LRFN2: variants seen among roughly 807,000 people sequenced by gnomAD.
LRFN2 encodes leucine rich repeat and fibronectin type III domain containing 2.
Under a neutral mutation model 37.3 loss-of-function variants are expected in LRFN2, and 18 were observed. The observed-to-expected ratio is 0.48, with a 90% CI of 0.33 to 0.72. The LOEUF is 0.72. LRFN2 is among the 30% of genes least tolerant of loss of function. The probability of loss-of-function intolerance (pLI) is 0.02; values close to 1 mark genes in which losing one functional copy is unlikely to be tolerated. For missense variants in LRFN2, 1,006 were observed against 1,060.7 expected, an observed-to-expected ratio of 0.95 and a Z score of 0.72; for synonymous variants, 556 against 466.6, an observed-to-expected ratio of 1.19 and a Z score of -2.47.
intron 2 of LRFN2, among the ~76,000 whole-genome samples, chr6:40,395,836 C>A (rs537463938): frequency 1.1e-4 from 17 of 152,196 alleles, no homozygotes; most frequent in African/African-American, 3.9e-4. Context: ...CTCTGAATCA[C>A]GGCATTCCAC....
At chr6:40,423,063 G>T (rs1473429434) in intron 2 of LRFN2, among the ~76,000 whole-genome samples, 2 of 152,200 alleles carry the variant, frequency 1.3e-5, no homozygotes, top group East Asian at 3.9e-4. Context: ...GACAGTGAGA[G>T]AGGCAGGATG....
At chr6:40,556,724 C>T (rs1019658783) in intron 1 of LRFN2, among the ~76,000 whole-genome samples, 1 of 142,300 alleles carries the variant, frequency 7.0e-6, no homozygotes, top group Non-Finnish European at 1.5e-5. Flanking sequence ...TAGACACACA[C>T]ACACACACAC....
chr6:40,400,998 C>T (rs143766650), intron 2 of LRFN2, among the ~76,000 whole-genome samples: 1 of 149,478 alleles, frequency 6.7e-6, no homozygotes, highest in East Asian at 1.9e-4. Context: ...CCCCCTAACC[C>T]CACCTCCCCC....
rs886487623 is a variant in LRFN2 at position 40,499,043 on chromosome 6, C to T, written c.-18-65912G>A. On this transcript the variant is annotated intron_variant, in intron 1 of 2. Coordinates refer to ENST00000338305, the MANE Select transcript of LRFN2 (RefSeq NM_020737.3). ...ATACACACGATTTCAAACACAAATCCGAAGGCATTTTTATGATGCCCCAGG... is the reference window on the plus strand; with the variant it reads ...ATACACACGATTTCAAACACAAATCTGAAGGCATTTTTATGATGCCCCAGG... Among the ~76,000 whole-genome samples, 19 of 152,248 alleles carry T rather than the reference C, an allele frequency of 1.2e-4. No homozygotes were observed. The East Asian group carries it at 1.7e-3, about 14-fold the overall frequency.
At chr6:40,454,277 A>T (rs570967799) in intron 1 of LRFN2, among the ~76,000 whole-genome samples, 33 of 152,252 alleles carry the variant, frequency 2.2e-4, no homozygotes, top group Admixed American at 1.1e-3. Context: ...GGGAGGTGCA[A>T]ATTAGACAAA....
chr6:40,430,939 G>T (rs949697349), intron 2 of LRFN2, among the ~76,000 whole-genome samples: 2 of 152,154 alleles, frequency 1.3e-5, no homozygotes, highest in African/African-American at 2.4e-5. Context: ...CCAGGGGAAA[G>T]AGACTCCCTG....
chr6:40,539,717 G>A (rs1158733416), intron 1 of LRFN2, among the ~76,000 whole-genome samples: 1 of 152,124 alleles, frequency 6.6e-6, no homozygotes. Flanking sequence ...CAAGACAACT[G>A]GTTGGTTTAT....
chr6:40,495,431 C>G (rs1765202505), intron 1 of LRFN2, among the ~76,000 whole-genome samples: 1 of 152,216 alleles, frequency 6.6e-6, no homozygotes, highest in Admixed American at 6.5e-5. Context: ...TCAGTACCAT[C>G]TCTACTACCT....
chr6:40,494,150 T>A (rs1367584272), intron 1 of LRFN2, among the ~76,000 whole-genome samples: 1 of 152,114 alleles, frequency 6.6e-6, no homozygotes, highest in East Asian at 1.9e-4. Context: ...TAGTTATGGA[T>A]CTCAGGTCCA....
intron 1 of LRFN2, among the ~76,000 whole-genome samples, chr6:40,498,386 G>A (rs754594657): frequency 1.4e-4 from 21 of 152,230 alleles, no homozygotes; most frequent in East Asian, 3.9e-4. Flanking sequence ...GGCCATTGGC[G>A]GAGAGTCCAG....
chr6:40,489,751 A>G (rs1311280848), intron 1 of LRFN2, among the ~76,000 whole-genome samples: 1 of 152,088 alleles, frequency 6.6e-6, no homozygotes, highest in Non-Finnish European at 1.5e-5. Flanking sequence ...AGGGAAAAAT[A>G]ATGACAGAAA....
chr6:40,481,120 G>T (rs1457488889), intron 1 of LRFN2, among the ~76,000 whole-genome samples: 1 of 152,110 alleles, frequency 6.6e-6, no homozygotes, highest in African/African-American at 2.4e-5. Context: ...ATCTTCTGGG[G>T]GCTTTAGTTT....
chr6:40,492,123 C>T (rs1313810444), intron 1 of LRFN2, among the ~76,000 whole-genome samples: 5 of 152,162 alleles, frequency 3.3e-5, no homozygotes, highest in African/African-American at 1.2e-4. Flanking sequence ...AGGAAAGGGA[C>T]CCTGTGGTCT....
chr6:40,488,655 C>G (rs1353928236), intron 1 of LRFN2, among the ~76,000 whole-genome samples: 3 of 152,170 alleles, frequency 2.0e-5, no homozygotes, highest in Non-Finnish European at 4.4e-5. Context: ...CAAGGCTCAG[C>G]TTCAACATCT....
rs993354095 is a variant in LRFN2 at position 40,392,399 on chromosome 6, G to A, written c.1914C>T (p.Ala638=). 1 of 1,577,584 alleles carries A rather than the reference G, an allele frequency of 6.3e-7. No homozygotes were observed. Among genetic ancestry groups the A allele is most frequent in the Non-Finnish European group, 8.6e-7 (1 of 1,161,970 alleles). ...GSGEAAGLGR[A]PWRIPPSAPR... Reference sequence around the variant, plus strand: ...GGGCGGAGGGTGGGATCCTCCAGGGGGCCCGTCCCAGCCCCGCAGCCTCCC... The same window carrying A: ...GGGCGGAGGGTGGGATCCTCCAGGGAGCCCGTCCCAGCCCCGCAGCCTCCC... The change falls in exon 3 of 3, where the codon GCC becomes GCT. Residue 638 remains alanine, a synonymous_variant. Coordinates refer to ENST00000338305, the MANE Select transcript of LRFN2 (RefSeq NM_020737.3). This position sits in a 1 kb window ranked among gnomAD's most constrained non-coding sequence, Gnocchi z 4.7.
intron 1 of LRFN2, among the ~76,000 whole-genome samples, chr6:40,545,637 G>A (rs975630518): frequency 6.6e-5 from 10 of 152,072 alleles, no homozygotes; most frequent in Admixed American, 2.0e-4. Flanking sequence ...GAGAGATGAA[G>A]AGAGAGGGGA....
chr6:40,417,566 G>C lies in LRFN2; in HGVS notation c.1400+14148C>G, dbSNP rs189678528. Among the ~76,000 whole-genome samples the C allele has an allele frequency of 2.0e-3, 308 of 152,242 alleles. 3 individuals carry two copies. Among genetic ancestry groups the C allele is most frequent in the Non-Finnish European group, 3.9e-3 (262 of 68,008 alleles). ...CTCCCTATCAGAGTACAAGGTTGTG[G>C]GGTAGAGGGGGTGGGGAATGCTGAC... On this transcript the variant is annotated intron_variant, in intron 2 of 2. Coordinates refer to ENST00000338305, the MANE Select transcript of LRFN2 (RefSeq NM_020737.3).
At chr6:40,572,255 A>G (rs1310904885) in intron 1 of LRFN2, among the ~76,000 whole-genome samples, 2 of 152,206 alleles carry the variant, frequency 1.3e-5, no homozygotes, top group African/African-American at 4.8e-5. Flanking sequence ...AAATTAGATA[A>G]TAAGTACAAA....
At chr6:40,422,869 A>C (rs1040082710) in intron 2 of LRFN2, among the ~76,000 whole-genome samples, 7 of 152,190 alleles carry the variant, frequency 4.6e-5, no homozygotes, top group Non-Finnish European at 1.0e-4. Flanking sequence ...AAAAAGCTTC[A>C]TTTCAGAAAA....
Sources: gnomAD v4.1 joint callset for allele counts (sites outside exome capture counted in the v4.1 genomes callset) on GRCh38, gnomAD v4.1.1 for gene constraint, Gnocchi (gnomAD v3.1) non-coding constraint, MANE v1.5 for transcripts, NCBI Gene and HGNC (gene_info 2026-07-23, HGNC 2026-07-21) for gene names.